Variants in C12orf42 observed in about 807,000 individuals in gnomAD.
C12orf42 encodes the protein uncharacterized protein C12orf42.
C12orf42 carries 25 observed loss-of-function variants against 21.6 expected under a neutral mutation model. The observed-to-expected ratio is 1.16, with a 90% CI of 0.84 to 1.62. The LOEUF is 1.62. Ranked by LOEUF, C12orf42 falls within the 40% of genes most tolerant of loss-of-function variation. The probability of loss-of-function intolerance (pLI) is 0.00; values close to 1 mark genes in which losing one functional copy is unlikely to be tolerated. For synonymous variants in C12orf42, 174 were observed against 175.0 expected (o/e 0.99, Z 0.05); for missense variants, 483 against 459.3 (o/e 1.05, Z -0.47).
chr12:103,234,054 C>A (rs1366057426), downstream of C12orf42, among the ~76,000 whole-genome samples: 1 of 152,060 alleles, frequency 6.6e-6, no homozygotes, highest in Non-Finnish European at 1.5e-5. Context: ...TTTTCTAAAT[C>A]TATTGATATG....
Position 103,320,535 on chromosome 12 carries a change from A to G in C12orf42, c.260-14190T>C, listed in dbSNP as rs1010417118. On this transcript the variant is annotated intron_variant, in intron 4 of 5. Coordinates refer to ENST00000548883, the MANE Select transcript of C12orf42 (RefSeq NM_198521.5). ...GCCACATTTGGTTAAATGTTATGCA[A>G]AGCAAACTATAATGATAGAACTGAA... 2.0e-5 allele frequency among the ~76,000 whole-genome samples: 3 copies of G among 152,220 alleles called. No homozygotes were observed. In the East Asian group the frequency reaches 5.8e-4, roughly 29 times the overall value.
At chr12:103,454,269 T>G (rs1952141694) in intron 2 of C12orf42, among the ~76,000 whole-genome samples, 1 of 152,072 alleles carries the variant, frequency 6.6e-6, no homozygotes, top group Non-Finnish European at 1.5e-5. Context: ...ACAGCTTTCC[T>G]AGGAATGCCA....
chr12:103,061,940 C>T, the C12orf42 span, among the ~76,000 whole-genome samples: 22 of 151,642 alleles, frequency 1.5e-4, no homozygotes, highest in African/African-American at 5.1e-4. Context: ...TTTGATTAGT[C>T]AAATATTTTT....
At chr12:103,054,102 A>G in the C12orf42 span, among the ~76,000 whole-genome samples, 2 of 151,872 alleles carry the variant, frequency 1.3e-5, no homozygotes, top group African/African-American at 4.8e-5. Flanking sequence ...TTTTAGAATA[A>G]TCTTGTCTAG....
chr12:103,086,683 C>G, the C12orf42 span, among the ~76,000 whole-genome samples: 6 of 151,730 alleles, frequency 4.0e-5, no homozygotes, highest in African/African-American at 1.2e-4. Context: ...TTTGAAACCC[C>G]AATAACTCAA....
the C12orf42 span, among the ~76,000 whole-genome samples, chr12:103,112,011 C>A: frequency 1.3e-5 from 2 of 152,174 alleles, no homozygotes; most frequent in Admixed American, 6.5e-5. Flanking sequence ...TGATAAGAGT[C>A]TGATGAGTTT....
intron 3 of C12orf42, among the ~76,000 whole-genome samples, chr12:103,378,417 A>G (rs1365158664): frequency 6.6e-6 from 1 of 152,062 alleles, no homozygotes; most frequent in Non-Finnish European, 1.5e-5. Flanking sequence ...CATAGGCACC[A>G]ACTTGTCTCT....
chr12:103,453,155 T>C (rs1233883639), intron 2 of C12orf42, among the ~76,000 whole-genome samples: 8 of 151,694 alleles, frequency 5.3e-5, no homozygotes, highest in African/African-American at 1.9e-4. Flanking sequence ...AAAGAAGTGT[T>C]AACTCCCTGT....
chr12:103,440,697 C>T (rs1186200859), intron 2 of C12orf42, among the ~76,000 whole-genome samples: 10 of 152,072 alleles, frequency 6.6e-5, no homozygotes, highest in South Asian at 4.1e-4. Flanking sequence ...AAGAGTGGCA[C>T]AGAATTAAAA....
At chr12:103,100,345 C>T in the C12orf42 span, among the ~76,000 whole-genome samples, 6 of 152,344 alleles carry the variant, frequency 3.9e-5, no homozygotes, top group African/African-American at 7.2e-5. Context: ...AGGAGAGCAA[C>T]GGATAAAACT....
intron 2 of C12orf42, among the ~76,000 whole-genome samples, chr12:103,460,282 A>AG (rs1178520961): frequency 2.1e-5 from 3 of 143,120 alleles, no homozygotes; most frequent in African/African-American, 5.1e-5. Context: ...AAAAAAAAAA[A>AG]AGAGAGAGAG....
chr12:103,103,131 A>G, the C12orf42 span, among the ~76,000 whole-genome samples: 1 of 152,208 alleles, frequency 6.6e-6, no homozygotes, highest in African/African-American at 2.4e-5. Context: ...ATCATTTGCT[A>G]TATAATGTAA....
At chr12:103,545,777 C>A in the C12orf42 span, among the ~76,000 whole-genome samples, 1 of 152,202 alleles carries the variant, frequency 6.6e-6, no homozygotes, top group Non-Finnish European at 1.5e-5. Flanking sequence ...AGTCCTGAAC[C>A]ACTTCTGCTG....
the C12orf42 span, among the ~76,000 whole-genome samples, chr12:103,097,712 GAGAT>G: frequency 6.6e-6 from 1 of 152,168 alleles, no homozygotes; most frequent in African/African-American, 2.4e-5. Flanking sequence ...GAAAAACAAG[GAGAT>G]AGATAGAGGA....
chr12:103,326,152 G>C (rs2040675975), intron 4 of C12orf42, among the ~76,000 whole-genome samples: 1 of 152,124 alleles, frequency 6.6e-6, no homozygotes. Context: ...TAAGAATCTT[G>C]GCTAATGTCT....
rs61258440 is a variant in C12orf42 at position 103,449,021 on chromosome 12, A to G, written c.78+29328T>C. Among the ~76,000 whole-genome samples the G allele has an allele frequency of 0.012, 1,844 of 152,168 alleles. 204 individuals are homozygous for G. In the East Asian group the frequency reaches 0.25, roughly 21 times the overall value. On this transcript the variant is annotated intron_variant, in intron 2 of 5. Coordinates refer to ENST00000548883, the MANE Select transcript of C12orf42 (RefSeq NM_198521.5). ...CATGTTTATAGCAGCACAATTTGCA[A>G]TTGCAAAAATACAGAAGCAGCCCAA...
intron 1 of C12orf42, among the ~76,000 whole-genome samples, chr12:103,492,429 T>C (rs1385442550): frequency 1.3e-5 from 2 of 152,226 alleles, no homozygotes; most frequent in African/African-American, 4.8e-5. Flanking sequence ...ATTCCTCTAG[T>C]CACATGGCAT....
intron 4 of C12orf42, among the ~76,000 whole-genome samples, chr12:103,279,936 G>T (rs748992453): frequency 6.6e-6 from 1 of 152,166 alleles, no homozygotes; most frequent in Non-Finnish European, 1.5e-5. Context: ...AAGTGAAAGC[G>T]TATGACAGGG....
intron 2 of C12orf42, among the ~76,000 whole-genome samples, chr12:103,412,016 T>C (rs949848051): frequency 1.3e-5 from 2 of 152,192 alleles, no homozygotes; most frequent in African/African-American, 4.8e-5. Flanking sequence ...CTAATTACAA[T>C]GATCTGAGTT....
Sources: allele counts gnomAD v4.1 joint callset (sites outside exome capture counted in the v4.1 genomes callset), GRCh38; gene constraint gnomAD v4.1.1; transcripts MANE v1.5; gene names NCBI Gene and HGNC (gene_info 2026-07-23, HGNC 2026-07-21).